The following DCDC2 variants were observed in gnomAD, a reference collection of about 807,000 sequenced individuals.
DCDC2 encodes the protein doublecortin domain containing 2.
Under a neutral mutation model 50.2 loss-of-function variants are expected in DCDC2, and 40 were observed. The observed-to-expected ratio is 0.80, with a 90% CI of 0.62 to 1.04. DCDC2 has a LOEUF of 1.04. Among genes scored for constraint, DCDC2 ranks in the 50% least tolerant of loss-of-function variants. The pLI is 0.00. For missense variants in DCDC2, 570 were observed against 581.9 expected (o/e 0.98, Z 0.21); for synonymous variants, 234 against 210.6 (o/e 1.11, Z -0.96).
intron 8 of DCDC2, among the ~76,000 whole-genome samples, chr6:24,187,643 GAAGT>G (rs1470148511): frequency 2.0e-5 from 3 of 152,174 alleles, no homozygotes; most frequent in Non-Finnish European, 2.9e-5. Flanking sequence ...GAAGTTTCTT[GAAGT>G]AAGGGCTTTT....
At chr6:24,238,154 A>G (rs113466985) in intron 7 of DCDC2, among the ~76,000 whole-genome samples, 1 of 264 alleles carries the variant, frequency 3.8e-3, no homozygotes, top group Admixed American at 0.062. Flanking sequence ...TGCAGGGAGG[A>G]ATGGAGGGAG....
upstream of DCDC2, among the ~76,000 whole-genome samples, chr6:24,358,512 TAA>T (rs966038766): frequency 1.7e-4 from 13 of 75,904 alleles, no homozygotes; most frequent in Admixed American, 7.6e-4. Flanking sequence ...TCTCTACAAT[TAA>T]AAAAAAAAAA....
At chr6:24,179,730 A>G (rs904867774) in intron 8 of DCDC2, among the ~76,000 whole-genome samples, 9 of 149,498 alleles carry the variant, frequency 6.0e-5, no homozygotes, top group Admixed American at 2.0e-4. Context: ...CGAGGCGGGC[A>G]GATCACGAGG....
chr6:24,225,774 T>C (rs1762221079), intron 7 of DCDC2, among the ~76,000 whole-genome samples: 1 of 152,238 alleles, frequency 6.6e-6, no homozygotes, highest in African/African-American at 2.4e-5. Context: ...AAATTATTTT[T>C]TGTTTTTTAA....
rs565156466 is a variant in DCDC2 at position 24,344,151 on chromosome 6, A to T, written c.348+9418T>A. On this transcript the variant is annotated intron_variant, in intron 2 of 9. Coordinates refer to ENST00000378454, the MANE Select transcript of DCDC2 (RefSeq NM_016356.5). ...CTCATCCCAAGCGCCAGTAACCACC[A>T]TTTTTTTTTCTTCTATGAGTTTGAC... Among the ~76,000 whole-genome samples the T allele has an allele frequency of 9.5e-4, 143 of 150,552 alleles. 2 individuals carry two copies. Among genetic ancestry groups the T allele is most frequent in the African/African-American group, 3.1e-3 (129 of 41,012 alleles).
the DCDC2 span, among the ~76,000 whole-genome samples, chr6:24,371,181 G>A: frequency 6.6e-6 from 1 of 151,000 alleles, no homozygotes; most frequent in Non-Finnish European, 1.5e-5. Context: ...GGAGGCTGAG[G>A]CGGGAGAATC....
intron 7 of DCDC2, among the ~76,000 whole-genome samples, chr6:24,235,610 TAAAA>T (rs1291656926): frequency 6.6e-6 from 1 of 152,090 alleles, no homozygotes; most frequent in African/African-American, 2.4e-5. Context: ...CCCTTCATAA[TAAAA>T]AGTCTCAAAA....
intron 6 of DCDC2, among the ~76,000 whole-genome samples, chr6:24,287,091 T>C (rs1220490817): frequency 2.6e-5 from 4 of 152,212 alleles, no homozygotes; most frequent in Non-Finnish European, 5.9e-5. Context: ...CAGAAGCCCT[T>C]GTGGGCTGCC....
chr6:24,271,725 C>T (rs1480272214), intron 7 of DCDC2, among the ~76,000 whole-genome samples: 1 of 152,176 alleles, frequency 6.6e-6, no homozygotes, highest in Non-Finnish European at 1.5e-5. Flanking sequence ...ACACAGTGGG[C>T]AACCTACACA....
intron 9 of DCDC2, 93 bp downstream of exon 9, chr6:24,178,237 A>T: frequency 7.7e-7 from 1 of 1,306,154 alleles, no homozygotes; most frequent in Non-Finnish European, 1.1e-6. Flanking sequence ...TTTCAATACA[A>T]GTCCTAAACA....
At chr6:24,233,902 T>A (rs1031521749) in intron 7 of DCDC2, among the ~76,000 whole-genome samples, 1 of 152,232 alleles carries the variant, frequency 6.6e-6, no homozygotes, top group Non-Finnish European at 1.5e-5. Context: ...ATTCAATGAT[T>A]ATTTTACTCA....
chr6:24,187,771 T>G (rs1654175927), intron 8 of DCDC2, among the ~76,000 whole-genome samples: 1 of 152,176 alleles, frequency 6.6e-6, no homozygotes, highest in Non-Finnish European at 1.5e-5. Flanking sequence ...AGGAAGGCAC[T>G]GATGATAAGG....
chr6:24,356,446 G>A (rs560747826), intron 1 of DCDC2, among the ~76,000 whole-genome samples: 2 of 152,250 alleles, frequency 1.3e-5, no homozygotes, highest in South Asian at 2.1e-4. Context: ...GGCGGGAGGG[G>A]TGGAAATGAA....
Position 24,265,806 on chromosome 6 carries a change from T to TAA in DCDC2, c.922+12241_922+12242dup, listed in dbSNP as rs879470177. Among the ~76,000 whole-genome samples the TAA allele has an allele frequency of 6.1e-4, 82 of 134,540 alleles. 1 individual carries two copies. The highest frequency in any genetic ancestry group is 1.7e-3 in the African/African-American group (63 of 36,748). 88.3% of individuals were successfully genotyped at this position (134,540 alleles called of 152,430 possible). ...GATGTAAGTGCCTACATCAAAAAAG[T>TAA]AAAAAAAAAAAAATTCATATACCAT... On this transcript the variant is annotated intron_variant, in intron 7 of 9. Coordinates refer to ENST00000378454, the MANE Select transcript of DCDC2 (RefSeq NM_016356.5).
At chr6:24,287,055 G>A (rs1004047097) in intron 6 of DCDC2, among the ~76,000 whole-genome samples, 6 of 152,156 alleles carry the variant, frequency 3.9e-5, no homozygotes, top group African/African-American at 1.4e-4. Context: ...CTCCCAAAAT[G>A]GACTCAGATT....
chr6:24,292,615 T>G (rs142875135), intron 4 of DCDC2, among the ~76,000 whole-genome samples: 321 of 152,352 alleles, frequency 2.1e-3, no homozygotes, highest in African/African-American at 7.4e-3. Flanking sequence ...TGCCTATAGT[T>G]CCAGCTACTT....
At chr6:24,324,271 C>T (rs1354014987) in intron 2 of DCDC2, among the ~76,000 whole-genome samples, 2 of 152,062 alleles carry the variant, frequency 1.3e-5, no homozygotes, top group South Asian at 4.2e-4. Context: ...TGTCAATGGC[C>T]CCAGTGACCA....
chr6:24,253,333 AAAG>A (rs1488671583), intron 7 of DCDC2, among the ~76,000 whole-genome samples: 2 of 152,238 alleles, frequency 1.3e-5, no homozygotes, highest in African/African-American at 4.8e-5. Flanking sequence ...TTTTCTTTTA[AAAG>A]AAGATATAAG....
At chr6:24,335,431 A>G (rs1316053400) in intron 2 of DCDC2, among the ~76,000 whole-genome samples, 1 of 152,220 alleles carries the variant, frequency 6.6e-6, no homozygotes, top group Non-Finnish European at 1.5e-5. Flanking sequence ...ATGTATAGTA[A>G]GTATTTGTCA....
Sources: gnomAD v4.1 joint callset for allele counts (sites outside exome capture counted in the v4.1 genomes callset) on GRCh38, gnomAD v4.1.1 for gene constraint, MANE v1.5 for transcripts, NCBI Gene and HGNC (gene_info 2026-07-23, HGNC 2026-07-21) for gene names.